The following CNIH1 variants were observed in gnomAD, a reference collection of about 807,000 sequenced individuals.
CNIH1 encodes the protein protein cornichon homolog 1.
CNIH1 carries 12 observed loss-of-function variants against 20.2 expected under a neutral mutation model. The ratio of observed to expected loss-of-function variants is 0.59; its 90% CI spans 0.38 to 0.96. The LOEUF is 0.96. CNIH1 is among the 40% of genes least tolerant of loss of function. The pLI is 0.00. For synonymous variants in CNIH1, 69 were observed against 63.3 expected (o/e 1.09, Z -0.43); for missense variants, 152 against 178.8 (o/e 0.85, Z 0.85).
Position 54,432,120 on chromosome 14 carries a change from T to C in CNIH1, c.251A>G (p.Tyr84Cys). Residue 84 changes from tyrosine to cysteine, a missense_variant, in exon 3 of 5, where the codon TAT becomes TGT. Physicochemically the swap from Tyr to Cys is radical, Grantham distance 194 (BLOSUM62 -2). Transcript: ENST00000216416. ...TLGLNMPLLA[Y>C]HIWRYMSRPV... ...ATCTAAATATTACCTCCAAATATGA[T>C]ATGCCAAGAGGGGCATATTGAGACC... The C allele has an allele frequency of 1.3e-6, 2 of 1,491,470 alleles. No homozygotes were observed. Among genetic ancestry groups the C allele is most frequent in the Non-Finnish European group, 1.8e-6 (2 of 1,115,674 alleles). The allele number at this position is 1,491,470 out of a possible 1,614,324, so 92.4% of individuals were successfully genotyped here. A position where few individuals can be genotyped will look rare whatever the true frequency, so the allele number is the denominator to read the frequency against.
chr14:54,430,164 A>T, intron 4 of CNIH1, 97 bp downstream of exon 4: 2 of 1,278,464 alleles, frequency 1.6e-6, no homozygotes, highest in Non-Finnish European at 2.2e-6. Context: ...ACACTAAGTT[A>T]TTCTTCAAAT....
At chr14:54,441,137 A>C in intron 1 of CNIH1, 110 bp downstream of exon 1, 45 of 1,098,376 alleles carry the variant, frequency 4.1e-5, no homozygotes, top group Middle Eastern at 3.6e-4. Flanking sequence ...GCCGGGCCGC[A>C]TCCCCGACGC....
chr14:54,434,523 A>C (rs2031016247), intron 2 of CNIH1, among the ~76,000 whole-genome samples: 1 of 152,210 alleles, frequency 6.6e-6, no homozygotes, highest in Non-Finnish European at 1.5e-5. Context: ...GCAAAGCTTC[A>C]GTTTACTCTC....
At position 54,427,705 on chromosome 14, in the gene CNIH1, C is replaced by G; in HGVS notation, c.*109G>C. ...AATAAGGAGTCATTTTTTAAAGTAA[C>G]TGATCAGATTCCACAGGCTACTCTT... is the stretch of plus-strand genomic sequence containing the variant. On this transcript the variant is annotated 3_prime_UTR_variant, in exon 5 of 5. Coordinates refer to ENST00000216416, the MANE Select transcript of CNIH1 (RefSeq NM_005776.3). The G allele has an allele frequency of 8.9e-7, 1 of 1,125,348 alleles. No homozygotes were observed. The highest frequency in any genetic ancestry group is 1.4e-5 in the South Asian group (1 of 70,978). 69.7% of individuals were successfully genotyped at this position (1,125,348 alleles called of 1,614,324 possible).
chr14:54,428,128 T>C (rs2030863544), intron 4 of CNIH1, among the ~76,000 whole-genome samples: 1 of 152,110 alleles, frequency 6.6e-6, no homozygotes, highest in Admixed American at 6.6e-5. Flanking sequence ...CATCCAAACA[T>C]CACACACTCT....
At chr14:54,437,848 T>C (rs1057261060) in intron 1 of CNIH1, among the ~76,000 whole-genome samples, 4 of 152,226 alleles carry the variant, frequency 2.6e-5, no homozygotes, top group African/African-American at 9.6e-5. Context: ...CAATGCATTT[T>C]AGTAATAAAG....
At chr14:54,439,771 C>T (rs2031132096) in intron 1 of CNIH1, among the ~76,000 whole-genome samples, 1 of 151,944 alleles carries the variant, frequency 6.6e-6, no homozygotes, top group South Asian at 2.1e-4. Flanking sequence ...AGGCTGGTCT[C>T]GAACTCCTGA....
intron 2 of CNIH1, among the ~76,000 whole-genome samples, chr14:54,435,082 C>A (rs971047463): frequency 2.6e-5 from 4 of 152,338 alleles, no homozygotes; most frequent in African/African-American, 9.6e-5. Context: ...AAAATCTACA[C>A]AAACTCTCCC....
intron 2 of CNIH1, 134 bp from the exon 3 acceptor site, chr14:54,432,354 C>A: frequency 3.9e-6 from 2 of 508,336 alleles, no homozygotes; most frequent in South Asian, 6.2e-5. Flanking sequence ...AAAGATGCTA[C>A]TGAGTTTTAT....
rs1199163426 is a variant in CNIH1 at position 54,424,051 on chromosome 14, A to G, written c.*3763T>C. On this transcript the variant is annotated 3_prime_UTR_variant, in exon 5 of 5. Transcript: ENST00000216416. The stretch of plus-strand genomic sequence containing the variant: ...AAAATTGTTATAAGAAAGCTAGTCA[A>G]TATATTTAGCAATAGAACCACTCTT... 6.6e-6 allele frequency: 1 copy of G among 152,230 alleles called. No homozygotes were observed. Among genetic ancestry groups the G allele is most frequent in the Non-Finnish European group, 1.5e-5 (1 of 68,044 alleles). The allele number at this position is 152,230 out of a possible 1,614,324, so 9.4% of individuals were successfully genotyped here.
In CNIH1 at chr14:54,436,450, T is replaced by C; in HGVS notation, c.82-13A>G. 1 of 1,452,202 alleles carries C rather than the reference T, an allele frequency of 6.9e-7. No homozygotes were observed. Among genetic ancestry groups the C allele is most frequent in the African/African-American group, 1.4e-5 (1 of 71,776 alleles). The allele number at this position is 1,452,202 out of a possible 1,614,324, so 90.0% of individuals were successfully genotyped here. On this transcript the variant is annotated splice_polypyrimidine_tract_variant and intron_variant, in intron 1 of 4. Coordinates refer to ENST00000216416, the MANE Select transcript of CNIH1 (RefSeq NM_005776.3). ...CAAATGCTATAATCTAAAATAAAAT[T>C]AAAACAGTTAGGACCACTCACTTTA... is the stretch of plus-strand genomic sequence containing the variant.
intron 2 of CNIH1, among the ~76,000 whole-genome samples, chr14:54,435,318 C>T (rs891320622): frequency 2.0e-5 from 3 of 151,988 alleles, no homozygotes; most frequent in African/African-American, 7.3e-5. Context: ...TGAGGCAGGA[C>T]GATCACTTGA....
intron 4 of CNIH1, 45 bp from the exon 5 acceptor site, chr14:54,427,886 TAAAA>T: frequency 1.9e-6 from 3 of 1,578,232 alleles, no homozygotes; most frequent in Non-Finnish European, 2.6e-6. Flanking sequence ...TACTAATTAT[TAAAA>T]AAAAACTCAG....
chr14:54,436,741 G>A (rs1471285522), intron 1 of CNIH1: 4 of 483,048 alleles, frequency 8.3e-6, no homozygotes, highest in Admixed American at 2.6e-5. Flanking sequence ...ATAATCTTCT[G>A]AGTAGAAAAA....
At chr14:54,435,600 G>A (rs934054057) in intron 2 of CNIH1, among the ~76,000 whole-genome samples, 6 of 152,016 alleles carry the variant, frequency 3.9e-5, no homozygotes, top group African/African-American at 4.8e-5. Flanking sequence ...GCATTGCTGC[G>A]AGATCCCAGA....
rs546610616 is a variant in CNIH1 at position 54,441,230 on chromosome 14, C to A, written c.81+17G>T. On this transcript the variant is annotated intron_variant, in intron 1 of 4. Transcript: ENST00000216416. The stretch of plus-strand genomic sequence containing the variant: ...TGTTGCCGCCTCGCCCTCCTTTCCC[C>A]AGCCCCAGCTACTCACGTGCCAAAT... The A allele has an allele frequency of 2.2e-4, 332 of 1,501,640 alleles. No homozygotes were observed. Among genetic ancestry groups the A allele is most frequent in the Admixed American group, 7.3e-4 (33 of 45,310 alleles). 93.0% of individuals were successfully genotyped at this position (1,501,640 alleles called of 1,614,324 possible).
chr14:54,429,860 C>A (rs948813167), intron 4 of CNIH1, among the ~76,000 whole-genome samples: 6 of 152,174 alleles, frequency 3.9e-5, no homozygotes, highest in African/African-American at 1.4e-4. Context: ...AAGGGCAGAG[C>A]ACACCACTTA....
intron 2 of CNIH1, among the ~76,000 whole-genome samples, chr14:54,433,669 C>T (rs917425446): frequency 2.0e-5 from 3 of 152,020 alleles, no homozygotes; most frequent in Non-Finnish European, 4.4e-5. Flanking sequence ...GTTTAAATTA[C>T]AGACGTTGTC....
rs978824226 is a variant in CNIH1 at position 54,425,592 on chromosome 14, T to C, written c.*2222A>G. 2.0e-5 allele frequency: 3 copies of C among 152,232 alleles called. No homozygotes were observed. Among genetic ancestry groups the C allele is most frequent in the Non-Finnish European group, 4.4e-5 (3 of 68,032 alleles). The allele number at this position is 152,232 out of a possible 1,614,324, so 9.4% of individuals were successfully genotyped here. Reference sequence around the variant, plus strand: ...TTGTCAGATTCAAGTATTTCGTTTCTGCTTTCTCTTGGTAAGTGATCTAAT... The same window carrying C: ...TTGTCAGATTCAAGTATTTCGTTTCCGCTTTCTCTTGGTAAGTGATCTAAT... On this transcript the variant is annotated 3_prime_UTR_variant, in exon 5 of 5. Transcript: ENST00000216416.
Sources: gnomAD v4.1 joint callset for allele counts (sites outside exome capture counted in the v4.1 genomes callset) on GRCh38, gnomAD v4.1.1 for gene constraint, MANE v1.5 for transcripts, NCBI Gene and HGNC (gene_info 2026-07-23, HGNC 2026-07-21) for gene names.